Variants in GRID2 observed in about 807,000 individuals in gnomAD.
The protein encoded by GRID2 is glutamate ionotropic receptor delta type subunit 2.
Under a neutral mutation model 114.8 loss-of-function variants are expected in GRID2, and 33 were observed. That is an observed-to-expected ratio of 0.29 (90% confidence interval 0.22 to 0.38). The LOEUF is 0.38. Among genes scored for constraint, GRID2 ranks in the 10% least tolerant of loss-of-function variants. The probability of loss-of-function intolerance (pLI) is 1.00; values close to 1 mark genes in which losing one functional copy is unlikely to be tolerated. For synonymous variants in GRID2, 505 were observed against 449.9 expected, an observed-to-expected ratio of 1.12 and a Z score of -1.55; for missense variants, 1,184 against 1,257.7, an observed-to-expected ratio of 0.94 and a Z score of 0.89.
chr4:93,177,863 AATG>A (rs1296043249), intron 4 of GRID2, among the ~76,000 whole-genome samples: 2 of 152,128 alleles, frequency 1.3e-5, no homozygotes, highest in Non-Finnish European at 2.9e-5. Flanking sequence ...AGCTGTTTAC[AATG>A]ATTACTTTTT....
At chr4:92,466,469 T>G (rs1721756586) in intron 1 of GRID2, among the ~76,000 whole-genome samples, 1 of 151,946 alleles carries the variant, frequency 6.6e-6, no homozygotes, top group Non-Finnish European at 1.5e-5. Flanking sequence ...CCACAAAATA[T>G]GCTTATTTCA....
chr4:92,321,373 C>T (rs948285062), intron 1 of GRID2, among the ~76,000 whole-genome samples: 1 of 152,114 alleles, frequency 6.6e-6, no homozygotes, highest in African/African-American at 2.4e-5. Context: ...CTTGTGTGTG[C>T]GCAAAAACAC....
chr4:92,866,339 C>T (rs1055499241), intron 2 of GRID2, among the ~76,000 whole-genome samples: 2 of 152,162 alleles, frequency 1.3e-5, no homozygotes, highest in African/African-American at 4.8e-5. Context: ...AGCTTCCATA[C>T]TGCTTTTGGT....
chr4:93,569,946 T>G (rs556736787), intron 13 of GRID2, among the ~76,000 whole-genome samples: 1 of 152,328 alleles, frequency 6.6e-6, no homozygotes, highest in East Asian at 1.9e-4. Flanking sequence ...TGTTATTATG[T>G]CACATTAACT....
chr4:92,491,580 C>T (rs982268409), intron 1 of GRID2, among the ~76,000 whole-genome samples: 1 of 152,022 alleles, frequency 6.6e-6, no homozygotes, highest in African/African-American at 2.4e-5. Flanking sequence ...ATGACTTGTG[C>T]CATTTCTTAT....
chr4:93,361,616 T>TA (rs1761890040), intron 8 of GRID2, among the ~76,000 whole-genome samples: 1 of 152,024 alleles, frequency 6.6e-6, no homozygotes, highest in South Asian at 2.1e-4. Flanking sequence ...CATGATTCTT[T>TA]AAAATATCCT....
chr4:93,246,586 C>CAAAA (rs34526471), intron 8 of GRID2, among the ~76,000 whole-genome samples: 48 of 102,090 alleles, frequency 4.7e-4, no homozygotes, highest in African/African-American at 1.5e-3. Flanking sequence ...GACTCCTTCT[C>CAAAA]AAAAAAAAAA....
chr4:93,729,514 C>T (rs1460963701), intron 14 of GRID2, among the ~76,000 whole-genome samples: 1 of 151,966 alleles, frequency 6.6e-6, no homozygotes, highest in Non-Finnish European at 1.5e-5. Context: ...GCTAACTCTG[C>T]TAATACCACT....
intron 2 of GRID2, among the ~76,000 whole-genome samples, chr4:92,658,618 C>G (rs1732361095): frequency 6.6e-6 from 1 of 151,492 alleles, no homozygotes; most frequent in Non-Finnish European, 1.5e-5. Flanking sequence ...GTACATTATA[C>G]AAGCCCACCC....
chr4:93,539,792 T>A (rs1732469088), intron 13 of GRID2, among the ~76,000 whole-genome samples: 1 of 152,032 alleles, frequency 6.6e-6, no homozygotes, highest in South Asian at 2.1e-4. Context: ...CAGAAATATG[T>A]CTGATGGGTT....
chr4:92,355,566 C>T (rs768020629), intron 1 of GRID2, among the ~76,000 whole-genome samples: 2 of 151,824 alleles, frequency 1.3e-5, no homozygotes, highest in Non-Finnish European at 2.9e-5. Context: ...TACTCTCATA[C>T]ACTATTTAAC....
chr4:93,534,418 T>C lies in GRID2; in HGVS notation c.2193+19007T>C, dbSNP rs146733534. Reference sequence around the variant, plus strand: ...CTTGTATAGCCATCTTTTTTTATAGTAAGAACACCTAAAATCTATTCTCTT... The same window carrying C: ...CTTGTATAGCCATCTTTTTTTATAGCAAGAACACCTAAAATCTATTCTCTT... On this transcript the variant is annotated intron_variant, in intron 13 of 15. Coordinates refer to ENST00000282020, the MANE Select transcript of GRID2 (RefSeq NM_001510.4). Among the ~76,000 whole-genome samples the C allele has an allele frequency of 4.5e-4, 68 of 152,244 alleles. 2 individuals are homozygous for C. The highest frequency in any genetic ancestry group is 1.4e-3 in the African/African-American group (59 of 41,560).
chr4:92,828,632 A>C (rs1741895247), intron 2 of GRID2, among the ~76,000 whole-genome samples: 1 of 152,112 alleles, frequency 6.6e-6, no homozygotes, highest in Non-Finnish European at 1.5e-5. Flanking sequence ...AACTAATTAC[A>C]GATGATAACT....
intron 1 of GRID2, among the ~76,000 whole-genome samples, chr4:92,359,420 C>G (rs1325319018): frequency 3.3e-5 from 5 of 151,950 alleles, no homozygotes; most frequent in African/African-American, 4.8e-5. Context: ...ACTTATCTGA[C>G]CTATAACTTT....
downstream of GRID2, among the ~76,000 whole-genome samples, chr4:93,776,101 G>T (rs939902456): frequency 6.6e-6 from 1 of 152,092 alleles, no homozygotes; most frequent in Non-Finnish European, 1.5e-5. Flanking sequence ...ATTATGTGCT[G>T]GTAAACATAG....
chr4:92,946,397 C>T (rs1007758738), intron 2 of GRID2, among the ~76,000 whole-genome samples: 3 of 152,012 alleles, frequency 2.0e-5, no homozygotes, highest in African/African-American at 7.2e-5. Context: ...GATTTTTCAT[C>T]TAAATCTTTT....
At chr4:92,640,098 CAAATA>C (rs1400179535) in intron 2 of GRID2, among the ~76,000 whole-genome samples, 3 of 151,740 alleles carry the variant, frequency 2.0e-5, no homozygotes, top group African/African-American at 7.2e-5. Context: ...GCATAATCCT[CAAATA>C]AAATTAGCTA....
intron 1 of GRID2, among the ~76,000 whole-genome samples, chr4:92,351,539 A>G (rs1161374430): frequency 6.6e-6 from 1 of 151,782 alleles, no homozygotes; most frequent in Non-Finnish European, 1.5e-5. Flanking sequence ...TAGCTACTTG[A>G]AAATATATAA....
chr4:92,985,051 G>A (rs1754424036), intron 2 of GRID2, among the ~76,000 whole-genome samples: 2 of 152,040 alleles, frequency 1.3e-5, no homozygotes, highest in South Asian at 4.2e-4. Flanking sequence ...AAACATATGA[G>A]GGGGAAGTTT....
Sources: allele counts gnomAD v4.1 joint callset (sites outside exome capture counted in the v4.1 genomes callset), GRCh38; gene constraint gnomAD v4.1.1; transcripts MANE v1.5; gene names NCBI Gene and HGNC (gene_info 2026-07-23, HGNC 2026-07-21).